GRIN2B: variants seen among roughly 807,000 people sequenced by gnomAD.
GRIN2B encodes the protein glutamate ionotropic receptor NMDA type subunit 2B, also known as glutamate receptor ionotropic, NMDA 2B.
Under a neutral mutation model 114.5 loss-of-function variants are expected in GRIN2B, and 5 were observed. The ratio of observed to expected loss-of-function variants is 0.04; its 90% CI spans 0.02 to 0.09. The LOEUF is 0.09. Ranked by LOEUF, GRIN2B falls within the 10% of genes least tolerant of loss-of-function variation. GRIN2B has a pLI of 1.00. For missense variants in GRIN2B, 1,108 were observed against 1,943.5 expected, an observed-to-expected ratio of 0.57 and a Z score of 8.08; for synonymous variants, 787 against 745.1, an observed-to-expected ratio of 1.06 and a Z score of -0.92.
rs71067735 is a variant in GRIN2B, at chr12:13,878,063, CAAAAAAA to C, written c.-18-11844_-18-11838del. Among the ~76,000 whole-genome samples the C allele has an allele frequency of 2.0e-4, 15 of 73,224 alleles. No homozygotes were observed. The South Asian group carries it at 2.4e-3, about 12-fold the overall frequency. The allele number at this position is 73,224 out of a possible 152,430, so 48.0% of individuals were successfully genotyped here. On this transcript the variant is annotated intron_variant, in intron 2 of 13. Transcript: ENST00000609686. Reference sequence around the variant, plus strand: ...TGGGTGACAGAGCAAGACTCTGTCTCAAAAAAAAAAAAAAAAAAAAAAAAATCTACTG... The same window carrying C: ...TGGGTGACAGAGCAAGACTCTGTCTCAAAAAAAAAAAAAAAAAATCTACTG...
At chr12:13,771,110 C>A (rs1378519147) in intron 3 of GRIN2B, among the ~76,000 whole-genome samples, 1 of 152,094 alleles carries the variant, frequency 6.6e-6, no homozygotes, top group East Asian at 1.9e-4. Flanking sequence ...GGGGGTGGAT[C>A]TTTCCTGTGC....
At chr12:13,776,519 TAA>T (rs1284291024) in intron 3 of GRIN2B, among the ~76,000 whole-genome samples, 1 of 152,138 alleles carries the variant, frequency 6.6e-6, no homozygotes, top group South Asian at 2.1e-4. Context: ...TCTTTGCACT[TAA>T]AGAGTCAGGA....
intron 2 of GRIN2B, among the ~76,000 whole-genome samples, chr12:13,883,672 A>G (rs1305108514): frequency 1.3e-5 from 2 of 152,122 alleles, no homozygotes; most frequent in East Asian, 3.8e-4. Context: ...TGAGAGTTCT[A>G]CACATATTCT....
At chr12:13,737,198 C>G (rs1349041914) in intron 4 of GRIN2B, among the ~76,000 whole-genome samples, 1 of 151,882 alleles carries the variant, frequency 6.6e-6, no homozygotes, top group Non-Finnish European at 1.5e-5. Flanking sequence ...CTCCAGAAAG[C>G]TCATATAATA....
intron 2 of GRIN2B, among the ~76,000 whole-genome samples, chr12:13,916,422 T>C (rs11055686): frequency 0.25 from 38,113 of 151,978 alleles, 5,279 homozygotes; most frequent in East Asian, 0.44. Context: ...GGTTTCATGA[T>C]CTTCATTCCA....
At chr12:13,754,785 T>C (rs561616514) in intron 3 of GRIN2B, among the ~76,000 whole-genome samples, 1 of 152,222 alleles carries the variant, frequency 6.6e-6, no homozygotes, top group South Asian at 2.1e-4. Flanking sequence ...ACACCACAGG[T>C]CTTGGTTTGA....
chr12:13,605,551 T>TCTCTCTCACACACACACACACA, intron 10 of GRIN2B, among the ~76,000 whole-genome samples: 1 of 30,448 alleles, frequency 3.3e-5, no homozygotes, highest in African/African-American at 1.0e-4. Flanking sequence ...TCTCTCTCTC[T>TCTCTCTCACACACACACACACA]GACACACACA....
chr12:13,692,760 C>CTTTTTTTTTTTTTTTTTTTTTTTT (rs71067718), intron 4 of GRIN2B, among the ~76,000 whole-genome samples: 1 of 52,132 alleles, frequency 1.9e-5, no homozygotes, highest in Non-Finnish European at 3.6e-5. Context: ...TCTTTCTTTT[C>CTTTTTTTTTTTTTTTTTTTTTTTT]TTTTTTTTTT....
intron 10 of GRIN2B, among the ~76,000 whole-genome samples, chr12:13,591,261 T>C (rs894815107): frequency 1.3e-5 from 2 of 152,156 alleles, no homozygotes; most frequent in Non-Finnish European, 2.9e-5. Flanking sequence ...CTTGGGTGTA[T>C]TTGTAGCAGT....
intron 3 of GRIN2B, among the ~76,000 whole-genome samples, chr12:13,824,799 T>G (rs1264014175): frequency 7.2e-6 from 1 of 138,396 alleles, no homozygotes; most frequent in African/African-American, 2.7e-5. Flanking sequence ...GAGGTTGCAG[T>G]GAGCCGAGAT....
chr12:13,893,397 A>G (rs1866297504), intron 2 of GRIN2B, among the ~76,000 whole-genome samples: 1 of 152,178 alleles, frequency 6.6e-6, no homozygotes, highest in South Asian at 2.1e-4. Flanking sequence ...GGTTTTAATA[A>G]AATAGAAAAA....
intron 3 of GRIN2B, among the ~76,000 whole-genome samples, chr12:13,764,943 G>A (rs1302108291): frequency 2.0e-5 from 3 of 152,110 alleles, no homozygotes; most frequent in Admixed American, 2.0e-4. Context: ...TTCACAATGG[G>A]GCCTCTGCCT....
rs1321738629 is a variant in GRIN2B, at chr12:13,573,357, A to C, written c.2011-1393T>G. ...TCCCAGCTACTCCGGAGGCTGAGGCAGGAGAATGGCATGAACCCAGGAGGC... is the reference window on the plus strand; with the variant it reads ...TCCCAGCTACTCCGGAGGCTGAGGCCGGAGAATGGCATGAACCCAGGAGGC... On this transcript the variant is annotated intron_variant, in intron 10 of 13. Transcript: ENST00000609686. Among the ~76,000 whole-genome samples the C allele has an allele frequency of 2.0e-5, 3 of 149,248 alleles. 1 individual carries two copies. The highest frequency in any genetic ancestry group is 3.4e-3 in the Middle Eastern group (1 of 294).
chr12:13,719,307 TA>T (rs1405828940), intron 4 of GRIN2B, among the ~76,000 whole-genome samples: 2 of 152,080 alleles, frequency 1.3e-5, no homozygotes, highest in African/African-American at 4.8e-5. Flanking sequence ...CCCAGTTGAA[TA>T]AACACTTAAG....
intron 5 of GRIN2B, among the ~76,000 whole-genome samples, chr12:13,621,271 G>A (rs1235964556): frequency 2.0e-5 from 3 of 152,270 alleles, no homozygotes; most frequent in Non-Finnish European, 1.5e-5. Flanking sequence ...CAGGATGTCC[G>A]AAGTGGTGTG....
chr12:13,760,155 C>A (rs563632794), intron 3 of GRIN2B, among the ~76,000 whole-genome samples: 2 of 152,308 alleles, frequency 1.3e-5, no homozygotes, highest in Middle Eastern at 6.8e-3. Flanking sequence ...CATCTCTCAC[C>A]ATCAGATGGA....
intron 3 of GRIN2B, among the ~76,000 whole-genome samples, chr12:13,786,001 G>C (rs1483187836): frequency 1.3e-5 from 2 of 152,166 alleles, no homozygotes; most frequent in African/African-American, 4.8e-5. Context: ...CAAGGTCACA[G>C]AGTCACCAGC....
chr12:13,671,908 G>A (rs1950024824), intron 5 of GRIN2B, among the ~76,000 whole-genome samples: 1 of 152,074 alleles, frequency 6.6e-6, no homozygotes, highest in Non-Finnish European at 1.5e-5. Flanking sequence ...AAACAAGCAA[G>A]CAAGTAAGCA....
chr12:13,776,585 G>T (rs141603607), intron 3 of GRIN2B, among the ~76,000 whole-genome samples: 2 of 152,140 alleles, frequency 1.3e-5, no homozygotes, highest in East Asian at 3.9e-4. Context: ...AATCTTACAC[G>T]ACAGCACACA....
Sources: allele counts gnomAD v4.1 joint callset (sites outside exome capture counted in the v4.1 genomes callset), GRCh38; gene constraint gnomAD v4.1.1; transcripts MANE v1.5; gene names NCBI Gene and HGNC (gene_info 2026-07-23, HGNC 2026-07-21).